The following SLC2A12 variants were observed in gnomAD, a reference collection of about 807,000 sequenced individuals.
The protein encoded by SLC2A12 is solute carrier family 2, facilitated glucose transporter member 12.
Under a neutral mutation model 41.8 loss-of-function variants are expected in SLC2A12, and 23 were observed. The observed-to-expected ratio is 0.55, with a 90% CI of 0.40 to 0.78. The LOEUF is 0.78. Among genes scored for constraint, SLC2A12 ranks in the 30% least tolerant of loss-of-function variants. The pLI is 0.00. For missense variants in SLC2A12, 654 were observed against 745.6 expected (o/e 0.88, Z 1.43); for synonymous variants, 295 against 285.9 (o/e 1.03, Z -0.32).
chr6:134,047,490 A>G (rs1449652745), intron 1 of SLC2A12, among the ~76,000 whole-genome samples: 2 of 152,134 alleles, frequency 1.3e-5, no homozygotes, highest in African/African-American at 4.8e-5. Context: ...AAGTTGGTGG[A>G]TTCATCTTTT....
At chr6:134,032,438 A>T (rs1465041595) in intron 1 of SLC2A12, among the ~76,000 whole-genome samples, 1 of 37,402 alleles carries the variant, frequency 2.7e-5, no homozygotes, top group African/African-American at 1.2e-4. Flanking sequence ...ATATATATAT[A>T]TATATATATA....
chr6:134,052,622 A>C lies in SLC2A12; in HGVS notation c.-142T>G. ...TCGGGCAAAGCTAATGTGATTTGTG[A>C]CCAACTTTGTTTCTATTTCCGAAGG... On this transcript the variant is annotated 5_prime_UTR_variant, in exon 1 of 5. Transcript: ENST00000275230. The C allele has an allele frequency of 3.2e-6, 2 of 634,482 alleles. No individual in the cohort carries two copies. The highest frequency in any genetic ancestry group is 3.7e-5 in the African/African-American group (2 of 54,690). The allele number at this position is 634,482 out of a possible 1,614,324, so 39.3% of individuals were successfully genotyped here. A position where few individuals can be genotyped will look rare whatever the true frequency, so the allele number is the denominator to read the frequency against.
chr6:134,030,293 T>C (rs1004482625), intron 1 of SLC2A12, among the ~76,000 whole-genome samples: 4 of 152,062 alleles, frequency 2.6e-5, no homozygotes, highest in African/African-American at 7.2e-5. Flanking sequence ...CATGAGGGTG[T>C]TGGGGCAGAG....
chr6:134,050,515 T>C (rs1299751126), intron 1 of SLC2A12, among the ~76,000 whole-genome samples: 3 of 152,252 alleles, frequency 2.0e-5, no homozygotes, highest in East Asian at 3.8e-4. Flanking sequence ...TAAATACACA[T>C]TATCTTTCTT....
chr6:134,010,546 C>A (rs1020029261), intron 2 of SLC2A12, among the ~76,000 whole-genome samples: 1 of 152,130 alleles, frequency 6.6e-6, no homozygotes, highest in Non-Finnish European at 1.5e-5. Context: ...CGTACTCTTA[C>A]AAATGTCAGG....
intron 1 of SLC2A12, among the ~76,000 whole-genome samples, chr6:134,045,730 C>A (rs540158933): frequency 1.3e-5 from 2 of 152,122 alleles, no homozygotes; most frequent in African/African-American, 4.8e-5. Flanking sequence ...GTAGTAGAAC[C>A]ACTTGGCCCA....
intron 2 of SLC2A12, among the ~76,000 whole-genome samples, chr6:134,024,286 TC>T (rs1228008486): frequency 3.9e-5 from 6 of 152,192 alleles, no homozygotes. Context: ...CGTCTCTGCT[TC>T]CCTCTGCTTT....
At chr6:134,020,994 G>C (rs1290684592) in intron 2 of SLC2A12, among the ~76,000 whole-genome samples, 1 of 152,204 alleles carries the variant, frequency 6.6e-6, no homozygotes, top group Non-Finnish European at 1.5e-5. Flanking sequence ...GAATAACTAT[G>C]TATGCCTTAA....
intron 1 of SLC2A12, among the ~76,000 whole-genome samples, chr6:134,050,271 A>G (rs79734498): frequency 0.02 from 3,055 of 152,338 alleles, 55 homozygotes; most frequent in Admixed American, 0.028. Context: ...TTACAAAAGT[A>G]GAAAATAAAA....
chr6:134,006,317 A>G (rs1297410987), intron 3 of SLC2A12, among the ~76,000 whole-genome samples: 1 of 152,092 alleles, frequency 6.6e-6, no homozygotes, highest in Non-Finnish European at 1.5e-5. Flanking sequence ...CTTTAAAAAT[A>G]TAAGGTATAG....
At chr6:133,992,261 C>T (rs1776633909) in intron 4 of SLC2A12, among the ~76,000 whole-genome samples, 1 of 152,132 alleles carries the variant, frequency 6.6e-6, no homozygotes. Flanking sequence ...GCCTTTGCAA[C>T]AAGGCAGTGT....
chr6:134,039,114 C>T (rs533901286), intron 1 of SLC2A12, among the ~76,000 whole-genome samples: 1 of 152,278 alleles, frequency 6.6e-6, no homozygotes, highest in South Asian at 2.1e-4. Context: ...GGAAAGATTT[C>T]CTCTAATATT....
chr6:134,045,494 C>T (rs1777445350), intron 1 of SLC2A12, among the ~76,000 whole-genome samples: 1 of 152,176 alleles, frequency 6.6e-6, no homozygotes, highest in South Asian at 2.1e-4. Context: ...ACCGGCTAGA[C>T]TTTGATAAGT....
At chr6:134,017,619 G>A (rs989687702) in intron 2 of SLC2A12, among the ~76,000 whole-genome samples, 1 of 152,032 alleles carries the variant, frequency 6.6e-6, no homozygotes, top group Non-Finnish European at 1.5e-5. Context: ...TTGGGAGGCC[G>A]AGGAGGGCGG....
chr6:134,033,828 G>A (rs1042927681), intron 1 of SLC2A12, among the ~76,000 whole-genome samples: 1 of 152,120 alleles, frequency 6.6e-6, no homozygotes, highest in Non-Finnish European at 1.5e-5. Context: ...TTCCTTCTGT[G>A]CTCCATTATC....
chr6:133,995,237 A>G (rs1275864274), intron 4 of SLC2A12, among the ~76,000 whole-genome samples: 1 of 152,092 alleles, frequency 6.6e-6, no homozygotes, highest in Non-Finnish European at 1.5e-5. Flanking sequence ...ATGGAGAAAG[A>G]ATCATAGCAG....
chr6:134,020,090 C>T (rs1777022349), intron 2 of SLC2A12, among the ~76,000 whole-genome samples: 2 of 151,324 alleles, frequency 1.3e-5, no homozygotes, highest in South Asian at 2.1e-4. Context: ...AATTCTGGGG[C>T]AACCCAATTA....
chr6:133,993,005 C>T (rs1026474228), intron 4 of SLC2A12, among the ~76,000 whole-genome samples: 1 of 152,202 alleles, frequency 6.6e-6, no homozygotes, highest in African/African-American at 2.4e-5. Flanking sequence ...TTCCGCTGAG[C>T]CTGTGCTTAC....
chr6:134,016,698 C>T (rs1329299712), intron 2 of SLC2A12, among the ~76,000 whole-genome samples: 1 of 152,154 alleles, frequency 6.6e-6, no homozygotes, highest in Admixed American at 6.5e-5. Flanking sequence ...AACTTGTTAG[C>T]TTGCAAATGG....
Sources: allele counts gnomAD v4.1 joint callset (sites outside exome capture counted in the v4.1 genomes callset), GRCh38; gene constraint gnomAD v4.1.1; transcripts MANE v1.5; gene names NCBI Gene and HGNC (gene_info 2026-07-23, HGNC 2026-07-21).